Variants in LRRFIP1 observed in about 807,000 individuals in gnomAD.
LRRFIP1 encodes the protein leucine-rich repeat flightless-interacting protein 1.
Under a neutral mutation model 104.4 loss-of-function variants are expected in LRRFIP1, and 62 were observed. The observed-to-expected ratio is 0.59, with a 90% CI of 0.48 to 0.73. The LOEUF (loss-of-function observed/expected upper bound fraction) is 0.73. LRRFIP1 is among the 30% of genes least tolerant of loss of function. LRRFIP1 has a pLI of 0.00. For synonymous variants in LRRFIP1, 300 were observed against 299.0 expected (o/e 1.00, Z -0.03); for missense variants, 796 against 824.5 (o/e 0.97, Z 0.42).
intron 19 of LRRFIP1, among the ~76,000 whole-genome samples, chr2:237,760,821 C>T (rs769040259): frequency 1.3e-5 from 2 of 152,150 alleles, no homozygotes; most frequent in Non-Finnish European, 2.9e-5. Flanking sequence ...AGAGGGGATC[C>T]TCCTTTGTAT....
chr2:237,754,615 GT>G (rs1401152926), intron 15 of LRRFIP1, among the ~76,000 whole-genome samples: 1 of 152,198 alleles, frequency 6.6e-6, no homozygotes, highest in East Asian at 1.9e-4. Context: ...AATCCAAAGG[GT>G]TAAAACCAAG....
At chr2:237,742,777 G>C (rs2057292598) in intron 11 of LRRFIP1, among the ~76,000 whole-genome samples, 1 of 152,198 alleles carries the variant, frequency 6.6e-6, no homozygotes, top group Admixed American at 6.5e-5. Flanking sequence ...GCCTGGGAGG[G>C]AGGAGCAACA....
intron 1 of LRRFIP1, among the ~76,000 whole-genome samples, chr2:237,669,900 G>A (rs999941718): frequency 6.6e-6 from 1 of 152,136 alleles, no homozygotes; most frequent in African/African-American, 2.4e-5. Context: ...ATAGAGCCTC[G>A]CACGTTGCTT....
intron 4 of LRRFIP1, among the ~76,000 whole-genome samples, chr2:237,718,027 C>T (rs1295617485): frequency 6.6e-6 from 1 of 152,230 alleles, no homozygotes; most frequent in Non-Finnish European, 1.5e-5. Context: ...CAGTCCTGGT[C>T]TTGCCTGTTT....
At position 237,743,891 on chromosome 2, in the gene LRRFIP1, T is replaced by C. The variant is rs141418801; in HGVS notation, c.634-4473T>C. ...TCTGGGTCATCCAGGCCCCAAAATC[T>C]CACTGGGAACCTGGTGAAGCCATCA... On this transcript the variant is annotated intron_variant, in intron 11 of 23. Transcript: ENST00000308482. 3.6e-3 allele frequency among the ~76,000 whole-genome samples: 554 copies of C among 152,160 alleles called. 3 individuals carry two copies. The highest frequency in any genetic ancestry group is 0.013 in the African/African-American group (531 of 41,484).
intron 1 of LRRFIP1, among the ~76,000 whole-genome samples, chr2:237,702,139 G>C (rs143202772): frequency 6.6e-6 from 1 of 152,276 alleles, no homozygotes; most frequent in East Asian, 1.9e-4. Context: ...TCATACTTGT[G>C]CTTCCTCGTG....
chr2:237,639,882 A>C (rs1187257249), intron 1 of LRRFIP1, among the ~76,000 whole-genome samples: 2 of 152,196 alleles, frequency 1.3e-5, no homozygotes, highest in Admixed American at 6.5e-5. Context: ...AGTAGGCGCC[A>C]GGAGCTCCTC....
intron 1 of LRRFIP1, among the ~76,000 whole-genome samples, chr2:237,667,539 T>A (rs1268629410): frequency 2.0e-5 from 3 of 152,210 alleles, no homozygotes; most frequent in African/African-American, 7.2e-5. Context: ...GTCTTTACAG[T>A]AGAATGATTT....
intron 20 of LRRFIP1, chr2:237,770,543 TA>T (rs1245317071): frequency 6.5e-6 from 1 of 153,226 alleles, no homozygotes; most frequent in Non-Finnish European, 1.5e-5. Context: ...CCTGTAATCG[TA>T]GCACTTTGGG....
chr2:237,628,945 C>T (rs1168332982), intron 1 of LRRFIP1, among the ~76,000 whole-genome samples: 4 of 152,200 alleles, frequency 2.6e-5, no homozygotes, highest in Non-Finnish European at 4.4e-5. Flanking sequence ...CTTATTCATT[C>T]CTGGAAGCCC....
intron 22 of LRRFIP1, among the ~76,000 whole-genome samples, chr2:237,773,494 C>T (rs1475226613): frequency 2.0e-5 from 3 of 152,078 alleles, no homozygotes; most frequent in Non-Finnish European, 2.9e-5. Context: ...GCCGAGATCA[C>T]GCCACTGCAC....
Position 237,772,937 on chromosome 2 carries a change from G to T in LRRFIP1, c.1699G>T (p.Glu567Ter). ...ATCTGAGCAAGAGATAACTGCATTAGAACAAAATGTACGTGTAAGCAACAA... is the reference window on the plus strand; with the variant it reads ...ATCTGAGCAAGAGATAACTGCATTATAACAAAATGTACGTGTAAGCAACAA... Reference protein sequence around the residue: ...AKSEQEITALEQNVIRLESQV... With the variant: ...AKSEQEITAL Residue 567 changes from glutamate (E) to a stop codon, truncating the protein, a stop_gained, in exon 22 of 24, where the codon GAA becomes TAA. Transcript: ENST00000308482. LOFTEE classifies it high-confidence loss of function. 6.2e-7 allele frequency: 1 copy of T among 1,612,648 alleles called. No homozygotes were observed. The highest frequency in any genetic ancestry group is 1.1e-5 in the South Asian group (1 of 91,034).
intron 1 of LRRFIP1, among the ~76,000 whole-genome samples, chr2:237,704,557 G>A (rs2093709622): frequency 1.3e-5 from 2 of 152,198 alleles, no homozygotes; most frequent in South Asian, 4.1e-4. Context: ...CATAGGTTTT[G>A]TGCCAGTTTA....
At chr2:237,771,286 A>G (rs1379012745) in intron 20 of LRRFIP1, among the ~76,000 whole-genome samples, 5 of 146,048 alleles carry the variant, frequency 3.4e-5, no homozygotes, top group Non-Finnish European at 7.5e-5. Flanking sequence ...TTCAACCAAC[A>G]TGGATTGAAA....
At chr2:237,707,491 A>T (rs1473974453) in intron 1 of LRRFIP1, among the ~76,000 whole-genome samples, 2 of 152,020 alleles carry the variant, frequency 1.3e-5, no homozygotes, top group Non-Finnish European at 2.9e-5. Context: ...AAAAAAAGGA[A>T]AAGATTATGT....
At chr2:237,628,657 G>T (rs1477792149) in intron 1 of LRRFIP1, among the ~76,000 whole-genome samples, 1 of 152,166 alleles carries the variant, frequency 6.6e-6, no homozygotes, top group Admixed American at 6.5e-5. Flanking sequence ...TCTCTGCCTT[G>T]TAACCCGCCT....
At chr2:237,765,139 T>A (rs2060172872) in intron 19 of LRRFIP1, 1 of 213,600 alleles carries the variant, frequency 4.7e-6, no homozygotes, top group Admixed American at 6.5e-5. Context: ...GGTGGGCGCC[T>A]GTAATCCCAG....
intron 8 of LRRFIP1, among the ~76,000 whole-genome samples, chr2:237,732,875 C>T (rs2095072744): frequency 1.3e-5 from 2 of 152,186 alleles, no homozygotes; most frequent in African/African-American, 2.4e-5. Context: ...GGCTGGGTCT[C>T]CCCGCTGTTT....
intron 1 of LRRFIP1, among the ~76,000 whole-genome samples, chr2:237,655,566 C>CT (rs573664232): frequency 1.3e-3 from 205 of 152,332 alleles, no homozygotes; most frequent in Non-Finnish European, 2.0e-3. Context: ...TGAAAGTTAG[C>CT]TACAAATCTG....
Sources: gnomAD v4.1 joint callset for allele counts (sites outside exome capture counted in the v4.1 genomes callset) on GRCh38, gnomAD v4.1.1 for gene constraint, MANE v1.5 for transcripts, NCBI Gene and HGNC (gene_info 2026-07-23, HGNC 2026-07-21) for gene names.